Variants in CDK8 observed in about 807,000 individuals in gnomAD.
CDK8 encodes the protein cyclin dependent kinase 8.
Under a neutral mutation model 71.5 loss-of-function variants are expected in CDK8, and 29 were observed. That is an observed-to-expected ratio of 0.41 (90% CI 0.30 to 0.55). The LOEUF (loss-of-function observed/expected upper bound fraction) is 0.55, where lower values mean the gene tolerates loss of function less well. Among genes scored for constraint, CDK8 ranks in the 20% least tolerant of loss-of-function variants. CDK8 has a pLI of 0.37. For synonymous variants in CDK8, 161 were observed against 192.1 expected (o/e 0.84, Z 1.34); for missense variants, 288 against 572.6 (o/e 0.50, Z 5.07).
intron 1 of CDK8, among the ~76,000 whole-genome samples, chr13:26,260,824 A>G (rs142696543): frequency 2.6e-5 from 4 of 152,246 alleles, no homozygotes; most frequent in African/African-American, 9.6e-5. Context: ...GATGGGAACT[A>G]TGTATGGCAA....
chr13:26,359,619 G>A, intron 4 of CDK8: 1 of 253,700 alleles, frequency 3.9e-6, no homozygotes, highest in Non-Finnish European at 8.2e-6. Context: ...CATGGGCAAG[G>A]GCATGAGCGG....
intron 3 of CDK8, among the ~76,000 whole-genome samples, chr13:26,349,779 G>A (rs9553795): frequency 0.9 from 135,047 of 149,914 alleles, 60,356 homozygotes; most frequent in East Asian, 1. Context: ...GTAGGAAACT[G>A]TTATTAATTA....
chr13:26,318,009 TC>T (rs1354723208), intron 1 of CDK8, among the ~76,000 whole-genome samples: 1 of 150,138 alleles, frequency 6.7e-6, no homozygotes, highest in Non-Finnish European at 1.5e-5. Flanking sequence ...TTTGAAAAGA[TC>T]AACAAAGTTG....
At chr13:26,394,836 G>T (rs1202791941) in intron 7 of CDK8, among the ~76,000 whole-genome samples, 1 of 152,184 alleles carries the variant, frequency 6.6e-6, no homozygotes, top group Non-Finnish European at 1.5e-5. Context: ...ATTTTAGAAA[G>T]ATTTAGTAAG....
intron 1 of CDK8, among the ~76,000 whole-genome samples, chr13:26,267,815 G>T (rs762140163): frequency 1.3e-5 from 2 of 152,116 alleles, no homozygotes; most frequent in Non-Finnish European, 2.9e-5. Context: ...AACTTCCCAG[G>T]CTCCCAAAGT....
At chr13:26,298,154 C>T (rs955488904) in intron 1 of CDK8, among the ~76,000 whole-genome samples, 1 of 152,138 alleles carries the variant, frequency 6.6e-6, no homozygotes, top group Non-Finnish European at 1.5e-5. Flanking sequence ...TGCAGGGATA[C>T]AAATATTTGG....
chr13:26,355,574 A>G (rs990682000), intron 4 of CDK8, among the ~76,000 whole-genome samples: 9 of 152,292 alleles, frequency 5.9e-5, no homozygotes, highest in Middle Eastern at 3.4e-3. Context: ...AGATCGCGCC[A>G]CTTCACTCCA....
At position 26,254,926 on chromosome 13, in the gene CDK8, G is replaced by A. The variant is rs1247838414; in HGVS notation, c.128+157G>A. 6.6e-6 allele frequency among the ~76,000 whole-genome samples: 1 copy of A among 152,180 alleles called. No homozygotes were observed. The highest frequency in any genetic ancestry group is 6.5e-5 in the Admixed American group (1 of 15,282). ...CAGCCAGGTTTGGGGAGGAAGTGGT[G>A]TACGAGGGATCCAAACCCACGAGAA... On this transcript the variant is annotated intron_variant, in intron 1 of 12. Coordinates refer to ENST00000381527, the MANE Select transcript of CDK8 (RefSeq NM_001260.3). This position sits in a 1 kb window ranked among gnomAD's most constrained non-coding sequence, Gnocchi z 6.7.
chr13:26,382,855 A>G lies in CDK8; in HGVS notation c.498A>G (p.Arg166=). 1 of 1,600,314 alleles carries G rather than the reference A, an allele frequency of 6.2e-7. No homozygotes were observed. Among genetic ancestry groups the G allele is most frequent in the Non-Finnish European group, 8.5e-7 (1 of 1,175,130 alleles). ...TAGTTATGGGTGAAGGTCCTGAGCG[A>G]GGAAGAGTAAAAATTGGTATGTTAT... ...NILVMGEGPE[R]GRVKIADMGF... Residue 166 remains arginine (R), a synonymous_variant, in exon 5 of 13, where the codon CGA becomes CGG. Coordinates refer to ENST00000381527, the MANE Select transcript of CDK8 (RefSeq NM_001260.3).
chr13:26,289,966 A>G (rs1321320299), intron 1 of CDK8, among the ~76,000 whole-genome samples: 1 of 152,230 alleles, frequency 6.6e-6, no homozygotes, highest in Non-Finnish European at 1.5e-5. Flanking sequence ...AAAACTGATT[A>G]GATTTTCTTG....
At chr13:26,376,659 G>C (rs1874966738) in intron 4 of CDK8, among the ~76,000 whole-genome samples, 1 of 152,096 alleles carries the variant, frequency 6.6e-6, no homozygotes, top group African/African-American at 2.4e-5. Context: ...AATGATCTTT[G>C]TGTCAGTGAA....
At chr13:26,298,023 C>T (rs972034517) in intron 1 of CDK8, among the ~76,000 whole-genome samples, 1 of 152,040 alleles carries the variant, frequency 6.6e-6, no homozygotes, top group African/African-American at 2.4e-5. Flanking sequence ...AAGCCTCCTC[C>T]ACCCTCATGA....
In CDK8 at chr13:26,336,118, A is replaced by AACAT. The variant is rs887802599; in HGVS notation, c.129-1445_129-1442dup. On this transcript the variant is annotated intron_variant, in intron 1 of 12. Coordinates refer to ENST00000381527, the MANE Select transcript of CDK8 (RefSeq NM_001260.3). ...CTGCACCTCTCTTAACTAATACACA[A>AACAT]ACATACACACACACACACACACACA... Among the ~76,000 whole-genome samples the AACAT allele has an allele frequency of 8.1e-5, 5 of 62,058 alleles. No homozygotes were observed. In the Admixed American group the frequency reaches 9.0e-4, roughly 11 times the overall value. The allele number at this position is 62,058 out of a possible 152,430, so 40.7% of individuals were successfully genotyped here.
intron 4 of CDK8, among the ~76,000 whole-genome samples, chr13:26,368,524 A>G (rs1874501184): frequency 6.6e-6 from 1 of 152,218 alleles, no homozygotes; most frequent in African/African-American, 2.4e-5. Context: ...CTATCACACC[A>G]CGGAGGCTGA....
chr13:26,329,483 G>GTTTTTTTTTTTTTTTTTTTTGT (rs543441898), intron 1 of CDK8, among the ~76,000 whole-genome samples: 3 of 128,478 alleles, frequency 2.3e-5, no homozygotes, highest in African/African-American at 6.1e-5. Context: ...TTTTTTTTTT[G>GTTTTTTTTTTTTTTTTTTTTGT]TTTTTTTTTT....
intron 8 of CDK8, 123 bp from the exon 9 acceptor site, chr13:26,397,030 A>C: frequency 3.1e-6 from 2 of 650,170 alleles, no homozygotes; most frequent in South Asian, 3.6e-5. Flanking sequence ...TTTTATGCTC[A>C]TAGTGTTTTC....
rs75473339 is a variant in CDK8, at chr13:26,376,999, A to G, written c.457-5815A>G. ...AATAAGAGGGAATTATAAAAAGAAA[A>G]TGTCATCTTTTATTAGCACTATTAC... is the stretch of plus-strand genomic sequence containing the variant. On this transcript the variant is annotated intron_variant, in intron 4 of 12. Coordinates refer to ENST00000381527, the MANE Select transcript of CDK8 (RefSeq NM_001260.3). Among the ~76,000 whole-genome samples the G allele has an allele frequency of 3.8e-3, 572 of 152,310 alleles. 4 individuals carry two copies. Among genetic ancestry groups the G allele is most frequent in the Non-Finnish European group, 5.6e-3 (379 of 68,020 alleles).
chr13:26,339,179 G>A (rs1873117724), intron 2 of CDK8, among the ~76,000 whole-genome samples: 1 of 151,854 alleles, frequency 6.6e-6, no homozygotes, highest in Non-Finnish European at 1.5e-5. Flanking sequence ...TCTGTATGTG[G>A]CTGAAGAAAT....
At chr13:26,373,193 C>T (rs1874772900) in intron 4 of CDK8, among the ~76,000 whole-genome samples, 1 of 152,104 alleles carries the variant, frequency 6.6e-6, no homozygotes, top group Admixed American at 6.5e-5. Flanking sequence ...ACTAGTGCCC[C>T]CATTATTCTA....
Sources: allele counts gnomAD v4.1 joint callset (sites outside exome capture counted in the v4.1 genomes callset), GRCh38; gene constraint gnomAD v4.1.1; non-coding constraint Gnocchi (gnomAD v3.1); transcripts MANE v1.5; gene names NCBI Gene and HGNC (gene_info 2026-07-23, HGNC 2026-07-21).